PDE1A: variants seen among roughly 807,000 people sequenced by gnomAD.
The protein encoded by PDE1A is dual specificity calcium/calmodulin-dependent 3',5'-cyclic nucleotide phosphodiesterase 1A.
Under a neutral mutation model 61.7 loss-of-function variants are expected in PDE1A, and 35 were observed. That is an observed-to-expected ratio of 0.57 (90% CI 0.43 to 0.75). PDE1A has a LOEUF of 0.75. PDE1A is among the 30% of genes least tolerant of loss of function. The probability of loss-of-function intolerance (pLI) is 0.00; values close to 1 mark genes in which losing one functional copy is unlikely to be tolerated. For synonymous variants in PDE1A, 232 were observed against 213.2 expected, an observed-to-expected ratio of 1.09 and a Z score of -0.77; for missense variants, 597 against 630.6, an observed-to-expected ratio of 0.95 and a Z score of 0.57.
intron 10 of PDE1A, 49 bp downstream of exon 10, chr2:182,201,390 G>A: frequency 6.2e-7 from 1 of 1,604,912 alleles, no homozygotes; most frequent in Non-Finnish European, 8.5e-7. Flanking sequence ...ACGCTAATAT[G>A]CACAGTCACT....
upstream of PDE1A, chr2:182,523,056 T>C (rs1690660191): frequency 6.6e-6 from 1 of 152,180 alleles, no homozygotes; most frequent in Non-Finnish European, 1.5e-5. Context: ...CAGGTTGTTA[T>C]TGCAAGAATA....
At chr2:182,634,266 C>T in the PDE1A span, among the ~76,000 whole-genome samples, 4 of 151,988 alleles carry the variant, frequency 2.6e-5, 1 homozygote, top group African/African-American at 7.2e-5. Flanking sequence ...GTTTTTTTCA[C>T]GTAGAGCCAA....
At position 182,516,669 on chromosome 2, in the gene PDE1A, A is replaced by AAGGGAAGG. The variant is rs901119311; in HGVS notation, c.101+5599_101+5606dup. 1.8e-4 allele frequency among the ~76,000 whole-genome samples: 23 copies of AAGGGAAGG among 126,506 alleles called. 1 individual carries two copies. In the South Asian group the frequency reaches 5.3e-3, roughly 29 times the overall value. The allele number at this position is 126,506 out of a possible 152,430, so 83.0% of individuals were successfully genotyped here. A position where few individuals can be genotyped will look rare whatever the true frequency, so the allele number is the denominator to read the frequency against. ...GAAAGAAAGAGAGAAAGAGAGAAAG[A>AAGGGAAGG]AGGGAAGGAGGGAAGGAGGGAAGGG... is the stretch of plus-strand genomic sequence containing the variant. On this transcript the variant is annotated intron_variant, in intron 2 of 14. Coordinates refer to the PDE1A transcript ENST00000410103.
rs181955181 is a variant in PDE1A at position 182,438,538 on chromosome 2, T to C, written c.101+83738A>G. ...AAAGGAAGACTCACAGAGGAAATTA[T>C]GCTGTTTTAGCAAGGTTTAGCCAGT... On this transcript the variant is annotated intron_variant, in intron 2 of 14. Transcript: ENST00000410103. 4.6e-3 allele frequency among the ~76,000 whole-genome samples: 705 copies of C among 152,156 alleles called. 8 individuals are homozygous for C. The highest frequency in any genetic ancestry group is 0.017 in the African/African-American group (689 of 41,560).
intron 2 of PDE1A, among the ~76,000 whole-genome samples, chr2:182,519,348 C>G (rs926642126): frequency 6.6e-6 from 1 of 152,102 alleles, no homozygotes; most frequent in Non-Finnish European, 1.5e-5. Flanking sequence ...TTTCCACCAT[C>G]ATAGATGATG....
chr2:182,516,694 G>GAAGAAGGGAGGAAGGA (rs1553636643), intron 2 of PDE1A, among the ~76,000 whole-genome samples: 2 of 50,982 alleles, frequency 3.9e-5, no homozygotes, highest in African/African-American at 1.5e-4. Context: ...GGAGGGAAGG[G>GAAGAAGGGAGGAAGGA]AGGAAGGGAG....
intron 1 of PDE1A, among the ~76,000 whole-genome samples, chr2:182,387,937 G>A (rs376715220): frequency 5.8e-4 from 88 of 152,186 alleles, no homozygotes; most frequent in African/African-American, 1.8e-3. Context: ...GCTGCCTACC[G>A]CATACTTCAA....
chr2:182,377,035 T>C (rs1179672144), intron 1 of PDE1A, among the ~76,000 whole-genome samples: 1 of 152,194 alleles, frequency 6.6e-6, no homozygotes, highest in Non-Finnish European at 1.5e-5. Context: ...CAATTCAAGA[T>C]GAGATTTGGG....
chr2:182,195,698 G>A lies in PDE1A; in HGVS notation c.1125+5741C>T, dbSNP rs1164003226. ...TCCAAAGGAATGAAGACATATATTTGCAAATTGCTTTGTAAAAGTGCTGTT... is the reference window on the plus strand; with the variant it reads ...TCCAAAGGAATGAAGACATATATTTACAAATTGCTTTGTAAAAGTGCTGTT... On this transcript the variant is annotated intron_variant, in intron 10 of 13. Coordinates refer to ENST00000351439, the Ensembl canonical transcript of PDE1A. 3.3e-5 allele frequency among the ~76,000 whole-genome samples: 5 copies of A among 152,154 alleles called. 1 individual carries two copies. In the East Asian group the frequency reaches 5.8e-4, roughly 18 times the overall value.
At chr2:182,636,111 G>A in the PDE1A span, among the ~76,000 whole-genome samples, 2 of 151,454 alleles carry the variant, frequency 1.3e-5, no homozygotes, top group African/African-American at 4.8e-5. Flanking sequence ...GCCCGCCACC[G>A]TGCCCGGCTA....
At position 182,489,850 on chromosome 2, in the gene PDE1A, T is replaced by C. The variant is rs544107294; in HGVS notation, c.101+32426A>G. 5.9e-5 allele frequency among the ~76,000 whole-genome samples: 9 copies of C among 152,306 alleles called. No individual in the cohort carries two copies. In the South Asian group the frequency reaches 1.2e-3, roughly 21 times the overall value. ...GAGGTCCAGGCTGCAGATATAAATG[T>C]GGCACTAATCGGTAGAGCATGATAG... On this transcript the variant is annotated intron_variant, in intron 2 of 14. Coordinates refer to the PDE1A transcript ENST00000410103.
the PDE1A span, among the ~76,000 whole-genome samples, chr2:182,689,561 C>A: frequency 2.0e-5 from 3 of 151,842 alleles, no homozygotes; most frequent in African/African-American, 7.3e-5. Context: ...CGCTAAATGC[C>A]CACAAGAGAA....
chr2:182,666,762 A>T, the PDE1A span, among the ~76,000 whole-genome samples: 1 of 152,228 alleles, frequency 6.6e-6, no homozygotes, highest in Admixed American at 6.5e-5. Context: ...TTCTACCTCT[A>T]TCTAAGCCTT....
intron 1 of PDE1A, among the ~76,000 whole-genome samples, chr2:182,344,535 T>C (rs1019431796): frequency 6.6e-6 from 1 of 152,202 alleles, no homozygotes; most frequent in Non-Finnish European, 1.5e-5. Flanking sequence ...CCTCCACTTG[T>C]AGTCATGGCC....
At chr2:182,613,303 T>C in the PDE1A span, among the ~76,000 whole-genome samples, 25 of 152,340 alleles carry the variant, frequency 1.6e-4, no homozygotes, top group Non-Finnish European at 3.5e-4. Context: ...GGCTCACGCC[T>C]GTAATCCCCA....
chr2:182,248,268 A>G (rs2623419), intron 2 of PDE1A, among the ~76,000 whole-genome samples: 94,925 of 147,878 alleles, frequency 0.64, 30,723 homozygotes, highest in East Asian at 0.73. Context: ...AAAAAAAAAA[A>G]GAAAAAAGCA....
At chr2:182,198,419 T>A (rs1228815313) in intron 10 of PDE1A, among the ~76,000 whole-genome samples, 1 of 151,820 alleles carries the variant, frequency 6.6e-6, no homozygotes, top group Non-Finnish European at 1.5e-5. Flanking sequence ...GTGGTAAGAG[T>A]ACCTATAATG....
chr2:182,637,261 C>T, the PDE1A span, among the ~76,000 whole-genome samples: 2 of 152,158 alleles, frequency 1.3e-5, no homozygotes, highest in African/African-American at 4.8e-5. Flanking sequence ...AAATAAATTT[C>T]ACCAAAGATA....
intron 13 of PDE1A, among the ~76,000 whole-genome samples, chr2:182,182,421 C>T (rs1250130124): frequency 6.6e-6 from 1 of 152,146 alleles, no homozygotes; most frequent in Non-Finnish European, 1.5e-5. Context: ...TATAGACCCT[C>T]TCAACCATTA....
Sources: allele counts gnomAD v4.1 joint callset (sites outside exome capture counted in the v4.1 genomes callset), GRCh38; gene constraint gnomAD v4.1.1; transcripts MANE v1.5; gene names NCBI Gene and HGNC (gene_info 2026-07-23, HGNC 2026-07-21).